The following PTGR1 variants were observed in gnomAD, a reference collection of about 807,000 sequenced individuals.
PTGR1 encodes the protein prostaglandin reductase 1, also known as 15-oxoprostaglandin 13-reductase.
Under a neutral mutation model 37.7 loss-of-function variants are expected in PTGR1, and 23 were observed. That is an observed-to-expected ratio of 0.61 (90% CI 0.44 to 0.86). The LOEUF is 0.86. Among genes scored for constraint, PTGR1 ranks in the 40% least tolerant of loss-of-function variants. PTGR1 has a pLI of 0.00. For missense variants in PTGR1, 351 were observed against 394.3 expected, an observed-to-expected ratio of 0.89 and a Z score of 0.93; for synonymous variants, 134 against 140.0, an observed-to-expected ratio of 0.96 and a Z score of 0.30.
At chr9:111,560,473 CAAA>C (rs752283590), downstream of PTGR1, among the ~76,000 whole-genome samples, 2 of 94,296 alleles carry the variant, frequency 2.1e-5, no homozygotes, top group Admixed American at 1.1e-4. Context: ...GACTCCATCT[CAAA>C]AAAAAAAAAA....
At position 111,570,222 on chromosome 9, in the gene PTGR1, G is replaced by T. The variant is rs1165625317; in HGVS notation, c.761-13C>A. The T allele has an allele frequency of 6.2e-7, 1 of 1,609,018 alleles. No individual in the cohort carries two copies. Among genetic ancestry groups the T allele is most frequent in the African/African-American group, 1.3e-5 (1 of 74,720 alleles). ...TCTGGGGGTGGGCCTGTGAAGAGAAGGGCACATTTGGGTGGCAGGATCCAG... is the reference window on the plus strand; with the variant it reads ...TCTGGGGGTGGGCCTGTGAAGAGAATGGCACATTTGGGTGGCAGGATCCAG... On this transcript the variant is annotated splice_polypyrimidine_tract_variant and intron_variant, in intron 8 of 9. Coordinates refer to ENST00000407693, the MANE Select transcript of PTGR1 (RefSeq NM_001146108.2).
chr9:111,584,535 A>C (rs10759502), intron 5 of PTGR1, among the ~76,000 whole-genome samples: 63,373 of 151,902 alleles, frequency 0.42, 13,530 homozygotes, highest in East Asian at 0.63. Flanking sequence ...TGGGGTACAT[A>C]GGAGTTGTTT....
chr9:111,566,976 C>T (rs10980949), intron 9 of PTGR1, among the ~76,000 whole-genome samples: 1 of 151,868 alleles, frequency 6.6e-6, no homozygotes, highest in South Asian at 2.1e-4. Flanking sequence ...GTTGTCCCAG[C>T]TACTCAGGAG....
chr9:111,575,671 G>A (rs1452514100), intron 7 of PTGR1, among the ~76,000 whole-genome samples: 2 of 152,198 alleles, frequency 1.3e-5, no homozygotes, highest in African/African-American at 2.4e-5. Flanking sequence ...TTCAATAAAC[G>A]TGCCGAACAA....
chr9:111,597,246 T>A, intron 2 of PTGR1, 71 bp downstream of exon 2: 1 of 1,155,808 alleles, frequency 8.7e-7, no homozygotes, highest in Non-Finnish European at 1.3e-6. Flanking sequence ...AACTTTGGGG[T>A]AGTTTGTTAT....
intron 2 of PTGR1, among the ~76,000 whole-genome samples, chr9:111,594,636 C>T (rs1387947721): frequency 2.7e-5 from 4 of 147,828 alleles, no homozygotes; most frequent in Non-Finnish European, 5.9e-5. Flanking sequence ...CTGGAAGCTC[C>T]GCCTCCTGGG....
intron 3 of PTGR1, among the ~76,000 whole-genome samples, chr9:111,593,939 T>A (rs1215927626): frequency 1.3e-5 from 2 of 151,070 alleles, no homozygotes; most frequent in East Asian, 3.9e-4. Flanking sequence ...TTCCTTCTTT[T>A]TTTTTTTTTT....
At position 111,553,831 on chromosome 9, in the gene PTGR1, C is replaced by T. The variant is rs925363129; in HGVS notation, c.880-4032G>A. ...GTGACTACCATATTAAGTTGCTCTA[C>T]GCAATCCTAGCCACAGAGAACCCAA... On this transcript the variant is annotated intron_variant, in intron 9 of 9. Transcript: ENST00000538962. Among the ~76,000 whole-genome samples, 14 of 152,332 alleles carry T rather than the reference C, an allele frequency of 9.2e-5. No homozygotes were observed. The East Asian group carries it at 1.2e-3, about 13-fold the overall frequency.
At position 111,597,432 on chromosome 9, in the gene PTGR1, C is replaced by G. The variant is rs758976952; in HGVS notation, c.-10G>C. Reference sequence around the variant, plus strand: ...TCTTAGTACGAACCATCCTGAAGCTCCTAGAACACAGTAAATATGTAGTCA... The same window carrying G: ...TCTTAGTACGAACCATCCTGAAGCTGCTAGAACACAGTAAATATGTAGTCA... On this transcript the variant is annotated splice_region_variant and 5_prime_UTR_variant, in exon 2 of 10. Coordinates refer to ENST00000407693, the MANE Select transcript of PTGR1 (RefSeq NM_001146108.2). 1.3e-6 allele frequency: 2 copies of G among 1,584,740 alleles called. No homozygotes were observed. The highest frequency in any genetic ancestry group is 1.7e-6 in the Non-Finnish European group (2 of 1,156,220).
Position 111,592,986 on chromosome 9 carries a change from CAAAAAAAAAAAAAA to C in PTGR1, c.153-18_153-5del, listed in dbSNP as rs58142522. The C allele has an allele frequency of 6.7e-3, 6,358 of 954,512 alleles. 4 individuals carry two copies. The highest frequency in any genetic ancestry group is 9.9e-3 in the South Asian group (418 of 42,186). 59.1% of individuals were successfully genotyped at this position (954,512 alleles called of 1,614,324 possible). On this transcript the variant is annotated splice_polypyrimidine_tract_variant and splice_region_variant and intron_variant, in intron 3 of 9. Coordinates refer to ENST00000407693, the MANE Select transcript of PTGR1 (RefSeq NM_001146108.2). ...CTTCAATCTTTTGGCTGCCACTCTGCAAAAAAAAAAAAAAAAAAAAAAAAAAAAAAATAGGTAAA... is the reference window on the plus strand; with the variant it reads ...CTTCAATCTTTTGGCTGCCACTCTGCAAAAAAAAAAAAAAAAATAGGTAAA...
At chr9:111,559,130 CCATG>C (rs1312148697), downstream of PTGR1, among the ~76,000 whole-genome samples, 3 of 152,146 alleles carry the variant, frequency 2.0e-5, no homozygotes, top group African/African-American at 7.2e-5. Context: ...GCCAAGCTAT[CCATG>C]CATCAGCACC....
chr9:111,561,147 G>GAGAGAGA (rs1491187821), downstream of PTGR1, among the ~76,000 whole-genome samples: 6 of 44,666 alleles, frequency 1.3e-4, no homozygotes, highest in Non-Finnish European at 2.1e-4. Context: ...AGGAGAGAGA[G>GAGAGAGA]GGAGAGAGAG....
chr9:111,553,027 C>T (rs758910154), intron 9 of PTGR1, among the ~76,000 whole-genome samples: 5 of 152,260 alleles, frequency 3.3e-5, no homozygotes, highest in Non-Finnish European at 5.9e-5. Context: ...CAAACTCAGA[C>T]CCTTTTAAAA....
At chr9:111,576,276 T>C in intron 7 of PTGR1, 1 of 1,369,078 alleles carries the variant, frequency 7.3e-7, no homozygotes, top group Non-Finnish European at 1.0e-6. Flanking sequence ...TATTAGTGGA[T>C]TTCATATTTG....
At chr9:111,597,735 A>G (rs1344797737) in intron 1 of PTGR1, among the ~76,000 whole-genome samples, 1 of 152,204 alleles carries the variant, frequency 6.6e-6, no homozygotes, top group Non-Finnish European at 1.5e-5. Flanking sequence ...AAAATATAAA[A>G]CAACAAAGAA....
intron 9 of PTGR1, among the ~76,000 whole-genome samples, chr9:111,568,415 T>C (rs773731177): frequency 7.9e-5 from 12 of 152,044 alleles, no homozygotes; most frequent in Non-Finnish European, 1.6e-4. Context: ...CCTGGTAAAT[T>C]TGTGGTCAGA....
At chr9:111,563,569 G>C (rs112140014) in intron 9 of PTGR1, 10,554 of 165,032 alleles carry the variant, frequency 0.064, 577 homozygotes, top group African/African-American at 0.14. Flanking sequence ...GCAGTGCCGC[G>C]ATCTTGGCTC....
At chr9:111,587,894 A>G (rs890295459) in intron 4 of PTGR1, among the ~76,000 whole-genome samples, 5 of 152,000 alleles carry the variant, frequency 3.3e-5, no homozygotes, top group Non-Finnish European at 5.9e-5. Flanking sequence ...ATTTAATTAC[A>G]CCCCCATTAT....
chr9:111,551,405 T>G (rs894984836), intron 9 of PTGR1, among the ~76,000 whole-genome samples: 10 of 136,760 alleles, frequency 7.3e-5, no homozygotes, highest in South Asian at 2.6e-4. Context: ...TTTTTGTTTT[T>G]TTTTTTTTTT....
Sources: gnomAD v4.1 joint callset for allele counts (sites outside exome capture counted in the v4.1 genomes callset) on GRCh38, gnomAD v4.1.1 for gene constraint, MANE v1.5 for transcripts, NCBI Gene and HGNC (gene_info 2026-07-23, HGNC 2026-07-21) for gene names.